Variants in MAD1L1 observed in about 807,000 individuals in gnomAD.
MAD1L1 encodes mitotic spindle assembly checkpoint protein MAD1.
A neutral mutation model predicts 96.9 loss-of-function variants in MAD1L1; 95 were observed. The ratio of observed to expected loss-of-function variants is 0.98; its 90% CI spans 0.83 to 1.16. MAD1L1 has a LOEUF of 1.16. Ranked by LOEUF, MAD1L1 falls within the 50% of genes most tolerant of loss-of-function variation. The probability of loss-of-function intolerance (pLI) is 0.00; values close to 1 mark genes in which losing one functional copy is unlikely to be tolerated. For synonymous variants in MAD1L1, 473 were observed against 396.6 expected (o/e 1.19, Z -2.29); for missense variants, 1,007 against 954.4 (o/e 1.06, Z -0.73).
chr7:1,856,160 A>G (rs1784239546), intron 18 of MAD1L1, among the ~76,000 whole-genome samples: 1 of 152,226 alleles, frequency 6.6e-6, no homozygotes, highest in South Asian at 2.1e-4. Flanking sequence ...GCCTGTGGCA[A>G]GGCCCCGCGC....
At chr7:2,051,960 C>A (rs1420744174) in intron 12 of MAD1L1, among the ~76,000 whole-genome samples, 1 of 152,056 alleles carries the variant, frequency 6.6e-6, no homozygotes, top group South Asian at 2.1e-4. Context: ...CAAGGGCAAG[C>A]GTCCTCTGGG....
chr7:2,221,220 G>A (rs371395068), intron 5 of MAD1L1, among the ~76,000 whole-genome samples: 33 of 152,188 alleles, frequency 2.2e-4, no homozygotes, highest in Admixed American at 3.3e-4. Context: ...TGAAGTGCTC[G>A]GCACGACTCA....
At chr7:2,185,253 A>G (rs968769785) in intron 10 of MAD1L1, among the ~76,000 whole-genome samples, 2 of 151,498 alleles carry the variant, frequency 1.3e-5, no homozygotes, top group Non-Finnish European at 2.9e-5. Flanking sequence ...CAGCAATTTA[A>G]GAATAAACAC....
At chr7:2,139,712 AGACCCCC>A (rs1788931960) in intron 11 of MAD1L1, among the ~76,000 whole-genome samples, 1 of 152,208 alleles carries the variant, frequency 6.6e-6, no homozygotes, top group Non-Finnish European at 1.5e-5. Flanking sequence ...GGGCTTCGGC[AGACCCCC>A]GTCCAGATGG....
Position 1,957,657 on chromosome 7 carries a change from T to C in MAD1L1, c.1568A>G (p.Glu523Gly). 6.2e-7 allele frequency: 1 copy of C among 1,614,038 alleles called. No homozygotes were observed. The highest frequency in any genetic ancestry group is 8.5e-7 in the Non-Finnish European group (1 of 1,180,036). Residue 523 changes from glutamate (E) to glycine (G), a missense_variant, in exon 16 of 19, where the codon GAG becomes GGG. Coordinates refer to ENST00000265854, the MANE Select transcript of MAD1L1 (RefSeq NM_001013836.2). ...SRLEEEKRML[E>G]AQLERRALQG... The stretch of plus-strand genomic sequence containing the variant: ...CAGAGCTCGCCGCTCCAGCTGTGCC[T>C]CCAGCATCCTCTTTTCCTCCTCCAG...
chr7:2,069,093 G>A (rs1584246006), intron 12 of MAD1L1, 101 bp downstream of exon 12: 13 of 1,412,100 alleles, frequency 9.2e-6, no homozygotes, highest in Admixed American at 2.7e-5. Context: ...ACCCTGACCC[G>A]GCTGCAGCAC....
chr7:1,964,062 C>T (rs1191446860), intron 15 of MAD1L1, among the ~76,000 whole-genome samples: 2 of 152,188 alleles, frequency 1.3e-5, no homozygotes, highest in Non-Finnish European at 2.9e-5. Context: ...GCTCAGAAAG[C>T]CATCTGAGAG....
At chr7:1,977,691 T>A (rs1465046898) in intron 15 of MAD1L1, among the ~76,000 whole-genome samples, 1 of 152,238 alleles carries the variant, frequency 6.6e-6, no homozygotes, top group African/African-American at 2.4e-5. Flanking sequence ...ACCCCAAGCA[T>A]GCCAGCCCAC....
intron 10 of MAD1L1, among the ~76,000 whole-genome samples, chr7:2,160,421 C>T (rs1163674340): frequency 2.7e-5 from 4 of 149,402 alleles, no homozygotes; most frequent in Non-Finnish European, 5.9e-5. Flanking sequence ...AAAGCTCCGC[C>T]TCCTGGGTTC....
intron 11 of MAD1L1, among the ~76,000 whole-genome samples, chr7:2,105,956 C>T (rs1196928916): frequency 4.1e-5 from 6 of 147,896 alleles, no homozygotes; most frequent in Non-Finnish European, 9.0e-5. Context: ...AACCAAAGGG[C>T]ACCAACACCT....
chr7:2,171,943 C>G (rs1790727381), intron 10 of MAD1L1, among the ~76,000 whole-genome samples: 3 of 152,200 alleles, frequency 2.0e-5, no homozygotes, highest in Admixed American at 2.0e-4. Flanking sequence ...GATAGACACA[C>G]AAGCTCATCA....
At chr7:1,901,085 G>A (rs1184501209) in intron 17 of MAD1L1, among the ~76,000 whole-genome samples, 1 of 152,078 alleles carries the variant, frequency 6.6e-6, no homozygotes, top group African/African-American at 2.4e-5. Flanking sequence ...CGGAGGTGAG[G>A]GGGCCCTGAT....
intron 14 of MAD1L1, among the ~76,000 whole-genome samples, chr7:1,997,355 G>A (rs538740775): frequency 4.6e-5 from 7 of 152,360 alleles, no homozygotes; most frequent in African/African-American, 1.7e-4. Flanking sequence ...TGCCTAGAAT[G>A]TGGCTTCTCC....
chr7:1,932,228 C>T (rs957334261), intron 17 of MAD1L1, among the ~76,000 whole-genome samples: 59 of 152,242 alleles, frequency 3.9e-4, no homozygotes, highest in African/African-American at 1.3e-3. Flanking sequence ...AGGCCTAAGG[C>T]TTCCTTCTCT....
At chr7:1,923,470 C>T (rs1788914270) in intron 17 of MAD1L1, among the ~76,000 whole-genome samples, 1 of 133,440 alleles carries the variant, frequency 7.5e-6, no homozygotes, top group Non-Finnish European at 1.7e-5. Flanking sequence ...CACCCCCGCG[C>T]TCTTCCGCCC....
chr7:1,935,567 C>T (rs1778550392), intron 17 of MAD1L1, among the ~76,000 whole-genome samples: 1 of 152,184 alleles, frequency 6.6e-6, no homozygotes, highest in Admixed American at 6.5e-5. Flanking sequence ...CTAAGACCCT[C>T]CCCACAAAGG....
At chr7:1,896,687 A>G (rs757663154) in intron 18 of MAD1L1, among the ~76,000 whole-genome samples, 3 of 152,186 alleles carry the variant, frequency 2.0e-5, no homozygotes, top group Non-Finnish European at 2.9e-5. Flanking sequence ...TGGATTTTCG[A>G]CACTCTCAAC....
At chr7:1,854,039 T>C (rs1451537823) in intron 18 of MAD1L1, among the ~76,000 whole-genome samples, 3 of 152,162 alleles carry the variant, frequency 2.0e-5, no homozygotes, top group African/African-American at 7.2e-5. Context: ...ATATCACTCA[T>C]TGTGAAGGGT....
rs767570525 is a variant in MAD1L1, at chr7:2,079,782, C to T, written c.1074-10444G>A. On this transcript the variant is annotated intron_variant, in intron 11 of 18. Transcript: ENST00000265854. The stretch of plus-strand genomic sequence containing the variant: ...CCGCAGGGAGACCATAAATTCACTT[C>T]CGCCCCAGGCTGCTGGAGATTAGGA... The T allele has an allele frequency of 1.5e-5, 7 of 470,450 alleles. No homozygotes were observed. In the Middle Eastern group the frequency reaches 2.0e-3, roughly 132 times the overall value. 29.1% of individuals were successfully genotyped at this position (470,450 alleles called of 1,614,324 possible).
Sources: allele counts gnomAD v4.1 joint callset (sites outside exome capture counted in the v4.1 genomes callset), GRCh38; gene constraint gnomAD v4.1.1; transcripts MANE v1.5; gene names NCBI Gene and HGNC (gene_info 2026-07-23, HGNC 2026-07-21).